The following GRIP1 variants were observed in gnomAD, a reference collection of about 807,000 sequenced individuals.
GRIP1 encodes glutamate receptor-interacting protein 1.
Under a neutral mutation model 129.9 loss-of-function variants are expected in GRIP1, and 45 were observed. The ratio of observed to expected loss-of-function variants is 0.35; its 90% CI spans 0.27 to 0.44. GRIP1 has a LOEUF of 0.44. Among genes scored for constraint, GRIP1 ranks in the 20% least tolerant of loss-of-function variants. The pLI is 1.00. For missense variants in GRIP1, 1,196 were observed against 1,396.8 expected (o/e 0.86, Z 2.29); for synonymous variants, 530 against 520.8 (o/e 1.02, Z -0.24).
At chr12:66,690,951 CA>C (rs577401811) in intron 1 of GRIP1, among the ~76,000 whole-genome samples, 194 of 151,846 alleles carry the variant, frequency 1.3e-3, no homozygotes, top group Admixed American at 2.5e-3. Flanking sequence ...AACAACAAAA[CA>C]AAAAAACCTC....
chr12:66,651,573 G>T (rs551752545), intron 1 of GRIP1, among the ~76,000 whole-genome samples: 17 of 152,286 alleles, frequency 1.1e-4, no homozygotes, highest in Admixed American at 3.3e-4. Flanking sequence ...GACTTTAAAA[G>T]ATTTTATTCA....
At chr12:66,377,440 G>A (rs1195111734) in intron 20 of GRIP1, among the ~76,000 whole-genome samples, 155 bp from the exon 21 acceptor site, 1 of 150,258 alleles carries the variant, frequency 6.7e-6, no homozygotes, top group Non-Finnish European at 1.5e-5. Flanking sequence ...CCATTCTCCT[G>A]CCTCAGCCTC....
chr12:66,715,180 A>G (rs2035838008), intron 1 of GRIP1, among the ~76,000 whole-genome samples: 1 of 152,038 alleles, frequency 6.6e-6, no homozygotes, highest in South Asian at 2.1e-4. Context: ...ATAAACATTT[A>G]AACTCTTCAG....
At chr12:66,746,862 T>C (rs534958804) in intron 1 of GRIP1, among the ~76,000 whole-genome samples, 1 of 152,330 alleles carries the variant, frequency 6.6e-6, no homozygotes, top group South Asian at 2.1e-4. Context: ...GAGTTATTTT[T>C]CAGCTGGGAA....
intron 1 of GRIP1, among the ~76,000 whole-genome samples, chr12:66,862,759 T>C (rs1055830514): frequency 6.6e-6 from 1 of 152,040 alleles, no homozygotes; most frequent in African/African-American, 2.4e-5. Context: ...TCTATAAATT[T>C]CCATGCCTAA....
At chr12:66,472,983 C>T (rs1038809458) in intron 7 of GRIP1, among the ~76,000 whole-genome samples, 1 of 152,040 alleles carries the variant, frequency 6.6e-6, no homozygotes, top group African/African-American at 2.4e-5. Flanking sequence ...GAGAACCATT[C>T]ACTCCCCTGG....
At chr12:67,014,085 G>C (rs1355945901) in intron 1 of GRIP1, among the ~76,000 whole-genome samples, 1 of 152,144 alleles carries the variant, frequency 6.6e-6, no homozygotes, top group Non-Finnish European at 1.5e-5. Flanking sequence ...TGTACACATG[G>C]AGACAGGTAA....
At chr12:66,707,051 T>G (rs1359309086) in intron 1 of GRIP1, among the ~76,000 whole-genome samples, 1 of 151,416 alleles carries the variant, frequency 6.6e-6, no homozygotes, top group East Asian at 1.9e-4. Context: ...CAAACAAAAA[T>G]CTATTTAAGA....
At chr12:66,673,397 C>T (rs1282052577) in intron 1 of GRIP1, among the ~76,000 whole-genome samples, 2 of 152,074 alleles carry the variant, frequency 1.3e-5, no homozygotes, top group East Asian at 1.9e-4. Context: ...CTACATTGGC[C>T]CTCCTTTTCC....
chr12:66,407,807 G>A (rs2057249301), intron 15 of GRIP1, among the ~76,000 whole-genome samples: 1 of 152,122 alleles, frequency 6.6e-6, no homozygotes, highest in African/African-American at 2.4e-5. Context: ...CTGATGCTGT[G>A]CTGAGCTCAG....
In GRIP1 at chr12:66,521,617, C is replaced by T. The variant is rs982052029; in HGVS notation, c.503-3641G>A. 3.3e-5 allele frequency among the ~76,000 whole-genome samples: 5 copies of T among 152,286 alleles called. No individual in the cohort carries two copies. The East Asian group carries it at 7.8e-4, about 24-fold the overall frequency. Reference sequence around the variant, plus strand: ...GATTTCTGCATTTCCATCTGAGGTACCAGGTTCATCTCACTAGGGAGTGCC... The same window carrying T: ...GATTTCTGCATTTCCATCTGAGGTATCAGGTTCATCTCACTAGGGAGTGCC... On this transcript the variant is annotated intron_variant, in intron 5 of 24. Coordinates refer to ENST00000359742, the MANE Select transcript of GRIP1 (RefSeq NM_001366722.1).
intron 15 of GRIP1, 51 bp from the exon 16 acceptor site, chr12:66,406,479 G>C (rs769212590): frequency 2.6e-6 from 4 of 1,553,496 alleles, no homozygotes; most frequent in South Asian, 2.2e-5. Flanking sequence ...ACTTAACTAG[G>C]CCATTTAAAG....
intron 9 of GRIP1, among the ~76,000 whole-genome samples, chr12:66,461,148 G>C (rs1565763230): frequency 6.6e-6 from 1 of 152,184 alleles, no homozygotes; most frequent in Admixed American, 6.5e-5. Flanking sequence ...AACTCAAATT[G>C]CCTTGGCAGG....
intron 1 of GRIP1, among the ~76,000 whole-genome samples, chr12:66,670,072 T>C (rs1031199949): frequency 6.6e-6 from 1 of 152,164 alleles, no homozygotes; most frequent in Non-Finnish European, 1.5e-5. Flanking sequence ...TTCTGCACCA[T>C]ACAAATGAGG....
intron 9 of GRIP1, among the ~76,000 whole-genome samples, chr12:66,462,622 T>G (rs892587013): frequency 1.3e-5 from 2 of 151,944 alleles, no homozygotes; most frequent in Non-Finnish European, 2.9e-5. Flanking sequence ...ACCAACATGG[T>G]GAAACCCTGT....
intron 1 of GRIP1, among the ~76,000 whole-genome samples, chr12:67,032,555 C>T (rs1415836458): frequency 1.3e-5 from 2 of 152,198 alleles, no homozygotes; most frequent in Non-Finnish European, 2.9e-5. Flanking sequence ...CTCAGCACTA[C>T]TGACATTTTG....
chr12:66,675,680 T>G (rs2034293462), intron 1 of GRIP1, among the ~76,000 whole-genome samples: 1 of 152,128 alleles, frequency 6.6e-6, no homozygotes, highest in Non-Finnish European at 1.5e-5. Flanking sequence ...TCACAAAATG[T>G]TATTTTGGGA....
chr12:67,059,135 A>T (rs2043488093), intron 1 of GRIP1, among the ~76,000 whole-genome samples: 1 of 152,242 alleles, frequency 6.6e-6, no homozygotes, highest in Non-Finnish European at 1.5e-5. Context: ...TGACTAAGAC[A>T]GGTGGAACTG....
At chr12:66,380,349 A>G (rs773996147) in intron 19 of GRIP1, among the ~76,000 whole-genome samples, 1 of 152,226 alleles carries the variant, frequency 6.6e-6, no homozygotes, top group Non-Finnish European at 1.5e-5. Flanking sequence ...ACAAACTCAC[A>G]GCAAGGCTTT....
Sources: allele counts gnomAD v4.1 joint callset (sites outside exome capture counted in the v4.1 genomes callset), GRCh38; gene constraint gnomAD v4.1.1; transcripts MANE v1.5; gene names NCBI Gene and HGNC (gene_info 2026-07-23, HGNC 2026-07-21).